The following TNN variants were observed in gnomAD, a reference collection of about 807,000 sequenced individuals.
TNN encodes tenascin N, also known as tenascin-N.
In TNN, 122 loss-of-function variants were observed where a neutral mutation model predicts 134.4. That is an observed-to-expected ratio of 0.91 (90% CI 0.78 to 1.06). The LOEUF (loss-of-function observed/expected upper bound fraction) is 1.06. TNN is among the 50% of genes least tolerant of loss of function. TNN has a pLI of 0.00. For missense variants in TNN, 1,739 were observed against 1,699.4 expected (o/e 1.02, Z -0.41); for synonymous variants, 710 against 670.3 (o/e 1.06, Z -0.91).
intron 12 of TNN, 119 bp downstream of exon 12, chr1:175,123,782 A>T: frequency 6.9e-7 from 1 of 1,458,440 alleles, no homozygotes; most frequent in Non-Finnish European, 9.3e-7. Context: ...ACATTCTTCA[A>T]AGTGGTTCCT....
chr1:175,134,600 A>T (rs1160323505), intron 15 of TNN, among the ~76,000 whole-genome samples: 1 of 151,806 alleles, frequency 6.6e-6, no homozygotes, highest in Non-Finnish European at 1.5e-5. Context: ...ATAAACTACC[A>T]CCTGTCCTCT....
rs1348770230 is a variant in TNN at position 175,086,545 on chromosome 1, G to C, written c.1324+1051G>C. ...GAGACTAATCCTTGGAGCTGGTAAA[G>C]AAGGAGTCTTTGAGTTTTGAGTCTT... is the stretch of plus-strand genomic sequence containing the variant. On this transcript the variant is annotated intron_variant, in intron 6 of 18. Transcript: ENST00000239462. Among the ~76,000 whole-genome samples, 3 of 152,220 alleles carry C rather than the reference G, an allele frequency of 2.0e-5. No homozygotes were observed. The East Asian group carries it at 5.8e-4, about 29-fold the overall frequency.
At position 175,104,386 on chromosome 1, in the gene TNN, C is replaced by A. The variant is rs1216525816; in HGVS notation, c.2119+5791C>A. ...GGTTGGGGGCTTCTAACCCAGGGAA[C>A]CTTCATCCTCTGGGGCAGTGCACCT... On this transcript the variant is annotated intron_variant, in intron 9 of 18. Coordinates refer to ENST00000239462, the MANE Select transcript of TNN (RefSeq NM_022093.2). Among the ~76,000 whole-genome samples the A allele has an allele frequency of 5.5e-5, 8 of 145,896 alleles. 1 individual carries two copies. The Admixed American group carries it at 5.5e-4, about 10-fold the overall frequency.
intron 1 of TNN, among the ~76,000 whole-genome samples, chr1:175,071,941 G>A (rs1416421621): frequency 6.6e-6 from 1 of 152,192 alleles, no homozygotes; most frequent in Admixed American, 6.5e-5. Context: ...TGAGGCTGGT[G>A]ATACAGAGGG....
chr1:175,132,040 G>C (rs1401839429), intron 15 of TNN, among the ~76,000 whole-genome samples: 1 of 151,970 alleles, frequency 6.6e-6, no homozygotes, highest in African/African-American at 2.4e-5. Context: ...GCATTCTAGG[G>C]GGGCAGGGTT....
chr1:175,072,302 G>A (rs1262039181), intron 1 of TNN, among the ~76,000 whole-genome samples: 1 of 152,134 alleles, frequency 6.6e-6, no homozygotes, highest in East Asian at 1.9e-4. Flanking sequence ...GACATGACCA[G>A]CCTCTGTAAG....
intron 17 of TNN, among the ~76,000 whole-genome samples, chr1:175,140,056 G>A (rs748428566): frequency 2.0e-5 from 3 of 152,224 alleles, no homozygotes; most frequent in Non-Finnish European, 4.4e-5. Context: ...ATGCTATTTT[G>A]TGTGACTAAG....
chr1:175,083,917 A>G lies in TNN; in HGVS notation c.1216A>G (p.Ser406Gly), dbSNP rs749096752. The G allele has an allele frequency of 1.9e-6, 3 of 1,614,024 alleles. No individual in the cohort carries two copies. In the South Asian group the frequency reaches 3.3e-5, roughly 18 times the overall value. Residue 406 changes from serine (S) to glycine (G), a missense_variant, in exon 5 of 19, where the codon AGC becomes GGC. Physicochemically the swap from Ser to Gly is moderately conservative, Grantham distance 56. Transcript: ENST00000239462. ...TGTGCCCAAGAGCAGTGACCCCAAG[A>G]GCCGATATGACATCACTGGTAAGAG... The part of the protein sequence containing the change: ...VTVPKSSDPK[S>G]RYDITGLHPG...
At chr1:175,087,422 G>A (rs998002293) in intron 6 of TNN, among the ~76,000 whole-genome samples, 4 of 152,204 alleles carry the variant, frequency 2.6e-5, no homozygotes, top group Admixed American at 1.3e-4. Context: ...TTTATCCGGC[G>A]TAGGAACAAA....
At chr1:175,145,581 C>T (rs1676045350) in intron 18 of TNN, among the ~76,000 whole-genome samples, 1 of 48,734 alleles carries the variant, frequency 2.1e-5, no homozygotes, top group Admixed American at 2.0e-4. Context: ...AAAAAGCTGT[C>T]TCAAGTCCTT....
intron 9 of TNN, among the ~76,000 whole-genome samples, chr1:175,100,787 C>A (rs916862766): frequency 2.6e-5 from 4 of 151,018 alleles, no homozygotes; most frequent in African/African-American, 9.9e-5. Context: ...AATGTATCAA[C>A]AAACTGGTGT....
At chr1:175,145,098 G>A (rs1460199867) in intron 18 of TNN, among the ~76,000 whole-genome samples, 1 of 151,936 alleles carries the variant, frequency 6.6e-6, no homozygotes, top group African/African-American at 2.4e-5. Flanking sequence ...TCCACCTCAT[G>A]GTCTCATGTA....
intron 9 of TNN, among the ~76,000 whole-genome samples, chr1:175,107,459 C>T (rs1443459027): frequency 2.1e-5 from 3 of 144,074 alleles, no homozygotes; most frequent in Non-Finnish European, 3.1e-5. Flanking sequence ...TAAGGCAGCA[C>T]GTCTGGAGTT....
chr1:175,086,316 A>C (rs1674323575), intron 6 of TNN, among the ~76,000 whole-genome samples: 1 of 152,282 alleles, frequency 6.6e-6, no homozygotes. Context: ...GTTACAAATC[A>C]GTCATATTTG....
rs541866591 is a variant in TNN at position 175,107,388 on chromosome 1, T to C, written c.2119+8793T>C. On this transcript the variant is annotated intron_variant, in intron 9 of 18. Coordinates refer to ENST00000239462, the MANE Select transcript of TNN (RefSeq NM_022093.2). ...TTCGGAGTTTCTTCCTTCTGGTGGG[T>C]TCGTGGTCTCGCTGGCTCAGGAGTG... Among the ~76,000 whole-genome samples, 10 of 143,682 alleles carry C rather than the reference T, an allele frequency of 7.0e-5. 1 individual carries two copies. The highest frequency in any genetic ancestry group is 1.5e-4 in the Non-Finnish European group (10 of 65,056). 94.3% of individuals were successfully genotyped at this position (143,682 alleles called of 152,430 possible).
At chr1:175,134,361 ATGGT>A (rs1296144316) in intron 15 of TNN, among the ~76,000 whole-genome samples, 4 of 152,120 alleles carry the variant, frequency 2.6e-5, no homozygotes, top group African/African-American at 9.7e-5. Context: ...TCTGGCCAAT[ATGGT>A]GAAACCCCGT....
At chr1:175,083,023 G>A (rs961832304) in intron 4 of TNN, among the ~76,000 whole-genome samples, 1 of 150,390 alleles carries the variant, frequency 6.6e-6, no homozygotes, top group South Asian at 2.1e-4. Context: ...ACATTTAGCC[G>A]TTAATACTTT....
intron 10 of TNN, 103 bp downstream of exon 10, chr1:175,117,308 T>A: frequency 6.4e-7 from 1 of 1,565,870 alleles, no homozygotes; most frequent in Non-Finnish European, 8.7e-7. Context: ...CAATGATTAA[T>A]GGAAGAGTGG....
intron 9 of TNN, among the ~76,000 whole-genome samples, chr1:175,112,598 C>CTTTTTTTT (rs767531767): frequency 0.052 from 1,154 of 21,990 alleles, 476 homozygotes; most frequent in Middle Eastern, 0.25. Flanking sequence ...GCCGGCCGAT[C>CTTTTTTTT]TTTTTTTTTT....
Sources: gnomAD v4.1 joint callset for allele counts (sites outside exome capture counted in the v4.1 genomes callset) on GRCh38, gnomAD v4.1.1 for gene constraint, MANE v1.5 for transcripts, NCBI Gene and HGNC (gene_info 2026-07-23, HGNC 2026-07-21) for gene names.